The following LPP variants were observed in gnomAD, a reference collection of about 807,000 sequenced individuals.
The protein encoded by LPP is lipoma-preferred partner.
A neutral mutation model predicts 60.4 loss-of-function variants in LPP; 38 were observed. The observed-to-expected ratio is 0.63, with a 90% CI of 0.49 to 0.83. LPP has a LOEUF of 0.83. Ranked by LOEUF, LPP falls within the 40% of genes least tolerant of loss-of-function variation. The pLI, the probability that LPP is intolerant of heterozygous loss-of-function variation, is 0.00. For missense variants in LPP, 902 were observed against 783.6 expected (o/e 1.15, Z -1.80); for synonymous variants, 328 against 290.8 (o/e 1.13, Z -1.30).
In LPP at chr3:188,550,350, G is replaced by A. The variant is rs569500835; in HGVS notation, c.429+25563G>A. On this transcript the variant is annotated intron_variant, in intron 6 of 11. Coordinates refer to ENST00000617246, the MANE Select transcript of LPP (RefSeq NM_001375462.1). ...TCCCAGCACTTTGGGAGGCCGAGGC[G>A]GGTGGATCACAAGGTCAGGAGATCG... is the stretch of plus-strand genomic sequence containing the variant. 5.3e-5 allele frequency among the ~76,000 whole-genome samples: 8 copies of A among 152,106 alleles called. No individual in the cohort carries two copies. The South Asian group carries it at 1.5e-3, about 28-fold the overall frequency.
At chr3:188,650,568 T>G (rs542503275) in intron 7 of LPP, among the ~76,000 whole-genome samples, 134 of 152,310 alleles carry the variant, frequency 8.8e-4, no homozygotes, top group African/African-American at 3.1e-3. Context: ...GTTGGTTGCA[T>G]TCTAATGGAC....
chr3:188,703,810 C>A (rs1289815711), intron 7 of LPP, among the ~76,000 whole-genome samples: 1 of 152,076 alleles, frequency 6.6e-6, no homozygotes, highest in East Asian at 1.9e-4. Context: ...AAGGTAAGTA[C>A]TTTGAAATTA....
intron 8 of LPP, chr3:188,708,969 G>A (rs1866050517): frequency 6.6e-6 from 1 of 152,316 alleles, no homozygotes; most frequent in African/African-American, 2.4e-5. Context: ...GGATTTCTGT[G>A]TATGTTCCCA....
At chr3:188,316,874 AG>A (rs1755244197) in intron 2 of LPP, among the ~76,000 whole-genome samples, 1 of 152,210 alleles carries the variant, frequency 6.6e-6, no homozygotes, top group Non-Finnish European at 1.5e-5. Context: ...CCAGGTTCCC[AG>A]GGAACCTCCT....
At chr3:188,584,142 A>G (rs1381265554) in intron 6 of LPP, among the ~76,000 whole-genome samples, 1 of 152,226 alleles carries the variant, frequency 6.6e-6, no homozygotes, top group Non-Finnish European at 1.5e-5. Context: ...TTCTAGGTAT[A>G]TAACTGACAA....
chr3:188,279,628 G>A (rs975074769), intron 2 of LPP, among the ~76,000 whole-genome samples: 1 of 152,202 alleles, frequency 6.6e-6, no homozygotes, highest in Non-Finnish European at 1.5e-5. Flanking sequence ...CTGGAGCCAA[G>A]ACCATCATTT....
At chr3:188,230,122 C>T (rs1370400132) in intron 2 of LPP, among the ~76,000 whole-genome samples, 5 of 151,802 alleles carry the variant, frequency 3.3e-5, no homozygotes, top group Admixed American at 1.3e-4. Flanking sequence ...AGTCTCATTC[C>T]GTTGCCAGGC....
At chr3:188,423,926 G>C (rs911787443) in intron 4 of LPP, among the ~76,000 whole-genome samples, 4 of 151,332 alleles carry the variant, frequency 2.6e-5, no homozygotes, top group Non-Finnish European at 5.9e-5. Flanking sequence ...CTGATAGATA[G>C]TTTTTTTTGC....
chr3:188,393,019 T>G (rs1780061949), intron 3 of LPP, among the ~76,000 whole-genome samples: 2 of 108,588 alleles, frequency 1.8e-5, no homozygotes, highest in Admixed American at 1.8e-4. Flanking sequence ...TTGGATGTAT[T>G]TTAGACACAT....
intron 2 of LPP, among the ~76,000 whole-genome samples, chr3:188,309,408 C>CT (rs1260679034): frequency 6.6e-6 from 1 of 152,094 alleles, no homozygotes; most frequent in Non-Finnish European, 1.5e-5. Context: ...TTGAGCGCAC[C>CT]TGAAGCTAAG....
rs374471455 is a variant in LPP at position 188,368,719 on chromosome 3, CAG to C, written c.-10+27028_-10+27029del. Among the ~76,000 whole-genome samples the C allele has an allele frequency of 5.6e-3, 560 of 99,578 alleles. 1 individual carries two copies. Among genetic ancestry groups the C allele is most frequent in the East Asian group, 0.014 (48 of 3,490 alleles). The allele number at this position is 99,578 out of a possible 152,430, so 65.3% of individuals were successfully genotyped here. On this transcript the variant is annotated intron_variant, in intron 3 of 11. Transcript: ENST00000617246. Reference sequence around the variant, plus strand: ...ACACACACACACACACACACACACACAGAGAGAGAGAGAGAGAGAGAGAGAGA... The same window carrying C: ...ACACACACACACACACACACACACACAGAGAGAGAGAGAGAGAGAGAGAGA...
intron 7 of LPP, among the ~76,000 whole-genome samples, chr3:188,615,930 G>T (rs1332462253): frequency 6.6e-6 from 1 of 152,020 alleles, no homozygotes; most frequent in Non-Finnish European, 1.5e-5. Flanking sequence ...TTTTGATGAG[G>T]TTGTTTGTTT....
intron 3 of LPP, among the ~76,000 whole-genome samples, chr3:188,372,821 A>C (rs1276271589): frequency 6.6e-6 from 1 of 151,878 alleles, no homozygotes; most frequent in Non-Finnish European, 1.5e-5. Context: ...CTCGTCATTT[A>C]GCATTAGGTG....
intron 5 of LPP, among the ~76,000 whole-genome samples, chr3:188,520,522 A>T (rs6782444): frequency 0.66 from 100,321 of 152,130 alleles, 36,040 homozygotes; most frequent in East Asian, 0.82. Context: ...CCCACAACAC[A>T]TGGGGATTAT....
At chr3:188,247,109 C>A (rs978337211) in intron 2 of LPP, 53 of 899,728 alleles carry the variant, frequency 5.9e-5, no homozygotes, top group Non-Finnish European at 7.1e-5. Flanking sequence ...CCTCACTTGA[C>A]CCATCTGTGA....
Position 188,490,751 on chromosome 3 carries a change from A to ATTTTTTTTTTTTTTTT in LPP, c.306+6053_306+6068dup, listed in dbSNP as rs58700818. On this transcript the variant is annotated intron_variant, in intron 5 of 11. Coordinates refer to ENST00000617246, the MANE Select transcript of LPP (RefSeq NM_001375462.1). ...AAGTTTTAGCAAAACTGGCACTGGA[A>ATTTTTTTTTTTTTTTT]TTTTTTTTTTTTTTTTTTTTTGGGA... Among the ~76,000 whole-genome samples, 10 of 91,746 alleles carry ATTTTTTTTTTTTTTTT rather than the reference A, an allele frequency of 1.1e-4. 1 individual carries two copies. Among genetic ancestry groups the ATTTTTTTTTTTTTTTT allele is most frequent in the African/African-American group, 3.2e-4 (8 of 25,360 alleles). The allele number at this position is 91,746 out of a possible 152,430, so 60.2% of individuals were successfully genotyped here.
chr3:188,597,319 C>G (rs1840182066), intron 6 of LPP, among the ~76,000 whole-genome samples: 1 of 152,128 alleles, frequency 6.6e-6, no homozygotes, highest in African/African-American at 2.4e-5. Flanking sequence ...CCCCAAATAG[C>G]TCTTTTTCGA....
At chr3:188,667,458 A>G (rs1856037184) in intron 7 of LPP, among the ~76,000 whole-genome samples, 1 of 148,830 alleles carries the variant, frequency 6.7e-6, no homozygotes, top group Admixed American at 6.7e-5. Context: ...AGCCTGGGTG[A>G]CAGAGCGATA....
At chr3:188,596,620 A>T (rs984137676) in intron 6 of LPP, among the ~76,000 whole-genome samples, 1 of 152,180 alleles carries the variant, frequency 6.6e-6, no homozygotes, top group Admixed American at 6.5e-5. Flanking sequence ...AAAGAGGAAA[A>T]AAAAAACTGA....
Sources: gnomAD v4.1 joint callset for allele counts (sites outside exome capture counted in the v4.1 genomes callset) on GRCh38, gnomAD v4.1.1 for gene constraint, MANE v1.5 for transcripts, NCBI Gene and HGNC (gene_info 2026-07-23, HGNC 2026-07-21) for gene names.